PRKCB: variants seen among roughly 807,000 people sequenced by gnomAD.
PRKCB encodes the protein protein kinase C beta type.
Under a neutral mutation model 81.5 loss-of-function variants are expected in PRKCB, and 13 were observed. That is an observed-to-expected ratio of 0.16 (90% CI 0.10 to 0.25). PRKCB has a LOEUF of 0.25. PRKCB is among the 10% of genes least tolerant of loss of function. The probability of loss-of-function intolerance (pLI) is 1.00; values close to 1 mark genes in which losing one functional copy is unlikely to be tolerated. For missense variants in PRKCB, 509 were observed against 875.7 expected (o/e 0.58, Z 5.29); for synonymous variants, 335 against 321.4 (o/e 1.04, Z -0.45).
chr16:23,858,605 A>G (rs1962613016), intron 2 of PRKCB, among the ~76,000 whole-genome samples: 1 of 151,038 alleles, frequency 6.6e-6, no homozygotes, highest in South Asian at 2.1e-4. Context: ...ATAGCCTTGA[A>G]TAAGGAATTC....
At chr16:23,876,131 CCT>C (rs1293554176) in intron 2 of PRKCB, among the ~76,000 whole-genome samples, 3 of 152,156 alleles carry the variant, frequency 2.0e-5, no homozygotes, top group African/African-American at 7.2e-5. Context: ...TTTTTGGACC[CCT>C]GTCTATGTGC....
intron 5 of PRKCB, among the ~76,000 whole-genome samples, chr16:24,055,043 C>T (rs1965887775): frequency 6.6e-6 from 1 of 152,194 alleles, no homozygotes; most frequent in African/African-American, 2.4e-5. Context: ...GACAATTTCT[C>T]CAAGTGTAAG....
intron 16 of PRKCB, among the ~76,000 whole-genome samples, chr16:24,202,818 T>C (rs971361999): frequency 3.3e-5 from 5 of 149,972 alleles, no homozygotes; most frequent in African/African-American, 1.3e-4. Flanking sequence ...TGAGTTTATC[T>C]GTAGGAAAAG....
At position 23,980,945 on chromosome 16, in the gene PRKCB, G is replaced by T. The variant is rs1434558845; in HGVS notation, c.206-7563G>T. ...AGATCTCAGTGCTTTTCCTGGGGCAGAAACATCCGAGAGGGCCCCTGTCAC... is the reference window on the plus strand; with the variant it reads ...AGATCTCAGTGCTTTTCCTGGGGCATAAACATCCGAGAGGGCCCCTGTCAC... On this transcript the variant is annotated intron_variant, in intron 2 of 16. Coordinates refer to ENST00000643927, the MANE Select transcript of PRKCB (RefSeq NM_002738.7). 2.0e-5 allele frequency among the ~76,000 whole-genome samples: 3 copies of T among 152,028 alleles called. No individual in the cohort carries two copies. In the East Asian group the frequency reaches 5.8e-4, roughly 29 times the overall value.
intron 5 of PRKCB, among the ~76,000 whole-genome samples, chr16:24,070,823 T>C (rs375518065): frequency 1.3e-5 from 2 of 152,196 alleles, no homozygotes; most frequent in Non-Finnish European, 2.9e-5. Context: ...TCATAGTCCC[T>C]TCCCTTAAGG....
rs145510014 is a variant in PRKCB at position 24,143,616 on chromosome 16, A to G, written c.1066-11068A>G. 7.2e-5 allele frequency among the ~76,000 whole-genome samples: 11 copies of G among 152,144 alleles called. No homozygotes were observed. The East Asian group carries it at 1.9e-3, about 27-fold the overall frequency. ...CCCTGGAGGCCTACAGTATATACACATGAGCTGTAACTTGCTTGTCTGTCC... is the reference window on the plus strand; with the variant it reads ...CCCTGGAGGCCTACAGTATATACACGTGAGCTGTAACTTGCTTGTCTGTCC... On this transcript the variant is annotated intron_variant, in intron 9 of 16. Coordinates refer to ENST00000643927, the MANE Select transcript of PRKCB (RefSeq NM_002738.7).
intron 9 of PRKCB, among the ~76,000 whole-genome samples, chr16:24,148,500 G>T (rs1026826692): frequency 4.6e-5 from 7 of 152,194 alleles, no homozygotes; most frequent in Non-Finnish European, 5.9e-5. Context: ...TCTTCTAGGT[G>T]CTGGATAAAA....
chr16:24,103,812 CT>C (rs978599519), intron 7 of PRKCB, among the ~76,000 whole-genome samples: 6 of 151,904 alleles, frequency 3.9e-5, no homozygotes, highest in South Asian at 2.1e-4. Flanking sequence ...AGGTCCAGAT[CT>C]TTTTTTTCTG....
chr16:23,891,182 A>G (rs1011480012), intron 2 of PRKCB, among the ~76,000 whole-genome samples: 3 of 152,010 alleles, frequency 2.0e-5, no homozygotes, highest in African/African-American at 4.8e-5. Context: ...GACTACAGGC[A>G]TGTGCCACCA....
At chr16:23,929,620 T>A (rs1017554855) in intron 2 of PRKCB, among the ~76,000 whole-genome samples, 1 of 152,108 alleles carries the variant, frequency 6.6e-6, no homozygotes, top group Non-Finnish European at 1.5e-5. Context: ...ACAGAGACGA[T>A]GGTATTATCT....
At chr16:23,891,874 A>C (rs1963300613) in intron 2 of PRKCB, among the ~76,000 whole-genome samples, 1 of 152,216 alleles carries the variant, frequency 6.6e-6, no homozygotes, top group Non-Finnish European at 1.5e-5. Flanking sequence ...GAAATTTTGC[A>C]GGCTCGGACC....
At chr16:24,059,582 C>A (rs1965946478) in intron 5 of PRKCB, among the ~76,000 whole-genome samples, 1 of 151,806 alleles carries the variant, frequency 6.6e-6, no homozygotes. Flanking sequence ...TGGAAGGAGC[C>A]CTTGAGCCCA....
chr16:23,927,718 C>T (rs531103021), intron 2 of PRKCB, among the ~76,000 whole-genome samples: 11 of 151,924 alleles, frequency 7.2e-5, no homozygotes, highest in Admixed American at 4.6e-4. Flanking sequence ...ATTGATTTGG[C>T]GTGGGAGGAA....
At chr16:23,897,042 T>C (rs1242964412) in intron 2 of PRKCB, among the ~76,000 whole-genome samples, 2 of 152,052 alleles carry the variant, frequency 1.3e-5, no homozygotes, top group Non-Finnish European at 2.9e-5. Flanking sequence ...TAAGCAGTCA[T>C]TGAGTGCCTA....
At chr16:24,178,829 A>G (rs1377607865) in intron 12 of PRKCB, among the ~76,000 whole-genome samples, 1 of 152,208 alleles carries the variant, frequency 6.6e-6, no homozygotes, top group African/African-American at 2.4e-5. Context: ...TTCAGATTGT[A>G]TTCTTTTAGT....
chr16:23,912,502 T>TC, intron 2 of PRKCB, among the ~76,000 whole-genome samples: 1 of 88,238 alleles, frequency 1.1e-5, no homozygotes, highest in Non-Finnish European at 2.2e-5. Context: ...CTTTCTTTCT[T>TC]TCTTCTTTTT....
intron 9 of PRKCB, among the ~76,000 whole-genome samples, chr16:24,147,994 A>G (rs1967020570): frequency 6.6e-6 from 1 of 151,940 alleles, no homozygotes; most frequent in Non-Finnish European, 1.5e-5. Context: ...CAGCCACCCT[A>G]CTTGGTGGCT....
chr16:24,128,094 T>C (rs1966847600), intron 9 of PRKCB, among the ~76,000 whole-genome samples: 1 of 122,300 alleles, frequency 8.2e-6, no homozygotes, highest in African/African-American at 3.3e-5. Context: ...TAAACCCTAA[T>C]GGCCAGGTGC....
intron 2 of PRKCB, among the ~76,000 whole-genome samples, chr16:23,892,612 T>C (rs1030075832): frequency 1.2e-4 from 19 of 152,228 alleles, no homozygotes; most frequent in African/African-American, 4.3e-4. Flanking sequence ...TACAAAACCA[T>C]GTATGAGTGA....
Sources: gnomAD v4.1 joint callset for allele counts (sites outside exome capture counted in the v4.1 genomes callset) on GRCh38, gnomAD v4.1.1 for gene constraint, MANE v1.5 for transcripts, NCBI Gene and HGNC (gene_info 2026-07-23, HGNC 2026-07-21) for gene names.